The following SLC9B1 variants were observed in gnomAD, a reference collection of about 807,000 sequenced individuals.
SLC9B1 encodes sodium/hydrogen exchanger 9B1.
Under a neutral mutation model 51.7 loss-of-function variants are expected in SLC9B1, and 32 were observed. That is an observed-to-expected ratio of 0.62 (90% CI 0.47 to 0.83). The LOEUF (loss-of-function observed/expected upper bound fraction) is 0.83. SLC9B1 is among the 40% of genes least tolerant of loss of function. The pLI, the probability that SLC9B1 is intolerant of heterozygous loss-of-function variation, is 0.00. For synonymous variants in SLC9B1, 145 were observed against 212.7 expected, an observed-to-expected ratio of 0.68 and a Z score of 2.77; for missense variants, 406 against 613.2, an observed-to-expected ratio of 0.66 and a Z score of 3.57.
chr4:102,893,016 C>T (rs904265069), intron 11 of SLC9B1, among the ~76,000 whole-genome samples: 12 of 152,090 alleles, frequency 7.9e-5, no homozygotes. Flanking sequence ...CGGTGGCTCA[C>T]ACCTGTAATT....
rs780294206 is a variant in SLC9B1, at chr4:102,885,447, C to T, written c.1333-119G>A. The T allele has an allele frequency of 1.4e-5, 22 of 1,601,028 alleles. No individual in the cohort carries two copies. In the Middle Eastern group the frequency reaches 5.0e-4, roughly 36 times the overall value. On this transcript the variant is annotated intron_variant, in intron 11 of 11. Transcript: ENST00000394789. The stretch of plus-strand genomic sequence containing the variant: ...TCTAAAACGGTAAGATGTCTGTTTA[C>T]GTGTACACTAAAATTTTGCAGTGCT...
At chr4:102,932,734 C>G (rs1426278689) in intron 6 of SLC9B1, among the ~76,000 whole-genome samples, 1 of 152,178 alleles carries the variant, frequency 6.6e-6, no homozygotes, top group African/African-American at 2.4e-5. Flanking sequence ...ACATGTGCTT[C>G]TAAAAGTGCT....
chr4:102,980,329 A>C (rs1368010121), intron 3 of SLC9B1, among the ~76,000 whole-genome samples: 1 of 152,230 alleles, frequency 6.6e-6, no homozygotes, highest in Non-Finnish European at 1.5e-5. Context: ...ACAATAAAAA[A>C]GATGTGGAAT....
chr4:102,906,636 G>A lies in SLC9B1; in HGVS notation c.1095C>T (p.Val365=). 6.4e-7 allele frequency: 1 copy of A among 1,556,652 alleles called. No homozygotes were observed. Among genetic ancestry groups the A allele is most frequent in the Non-Finnish European group, 8.7e-7 (1 of 1,149,158 alleles). Residue 365 remains valine (V), a synonymous_variant, in exon 10 of 12, where the codon GTC becomes GTT. Transcript: ENST00000296422. The part of the protein sequence containing the change: ...GTKWSQEKMK[V]QKIITTVWDI... Reference sequence around the variant, plus strand: ...CCCATACAGTCGTAATAATCTTTTGGACTTTCATCTATAGAAAAGAGAAAT... The same window carrying A: ...CCCATACAGTCGTAATAATCTTTTGAACTTTCATCTATAGAAAAGAGAAAT...
At chr4:102,984,296 T>A (rs887863953) in intron 3 of SLC9B1, among the ~76,000 whole-genome samples, 1 of 152,034 alleles carries the variant, frequency 6.6e-6, no homozygotes, top group African/African-American at 2.4e-5. Flanking sequence ...TTATATTTCT[T>A]TGTAGAGACA....
chr4:102,977,008 G>A (rs913357966), intron 3 of SLC9B1, among the ~76,000 whole-genome samples: 16 of 152,022 alleles, frequency 1.1e-4, no homozygotes, highest in African/African-American at 3.4e-4. Flanking sequence ...AAATTATCCA[G>A]ATATGGTGAC....
At chr4:102,930,909 A>C (rs1292711030) in intron 7 of SLC9B1, among the ~76,000 whole-genome samples, 1 of 152,112 alleles carries the variant, frequency 6.6e-6, no homozygotes, top group Non-Finnish European at 1.5e-5. Flanking sequence ...TATACAGTTA[A>C]GTGTAAAACA....
chr4:102,893,296 A>G (rs927270309), intron 11 of SLC9B1, among the ~76,000 whole-genome samples: 1 of 149,364 alleles, frequency 6.7e-6, no homozygotes, highest in Non-Finnish European at 1.5e-5. Flanking sequence ...AAAAAAAAAA[A>G]AAAAAAAAAG....
chr4:103,010,362 T>C (rs572864817), intron 1 of SLC9B1, among the ~76,000 whole-genome samples: 1 of 152,276 alleles, frequency 6.6e-6, no homozygotes, highest in Non-Finnish European at 1.5e-5. Context: ...CTTGTCCTTT[T>C]ATAATGAAAT....
intron 1 of SLC9B1, among the ~76,000 whole-genome samples, chr4:103,014,703 T>C (rs1741233740): frequency 6.6e-6 from 1 of 152,240 alleles, no homozygotes; most frequent in South Asian, 2.1e-4. Context: ...AAATATTCTT[T>C]GCATTGTAAG....
intron 7 of SLC9B1, among the ~76,000 whole-genome samples, chr4:102,928,482 C>T (rs1736298206): frequency 6.6e-6 from 1 of 152,212 alleles, no homozygotes; most frequent in South Asian, 2.1e-4. Flanking sequence ...CAGTTCCAAA[C>T]TTTCCCACAT....
intron 11 of SLC9B1, chr4:102,892,272 G>A (rs943557052): frequency 4.6e-5 from 7 of 152,114 alleles, no homozygotes; most frequent in Admixed American, 3.9e-4. Flanking sequence ...TACCCAGGCT[G>A]GTCTCGAAGT....
chr4:102,997,283 T>C (rs532589639), intron 1 of SLC9B1, among the ~76,000 whole-genome samples: 1 of 152,340 alleles, frequency 6.6e-6, no homozygotes, highest in Admixed American at 6.5e-5. Flanking sequence ...AACTGACATC[T>C]TAACAATATT....
chr4:103,008,158 A>G (rs1183582226), intron 1 of SLC9B1, among the ~76,000 whole-genome samples: 1 of 152,206 alleles, frequency 6.6e-6, no homozygotes, highest in Non-Finnish European at 1.5e-5. Flanking sequence ...ACACATATAT[A>G]CATATCTTGC....
chr4:103,016,279 C>T (rs1035933866), intron 1 of SLC9B1, among the ~76,000 whole-genome samples: 16 of 152,140 alleles, frequency 1.1e-4, no homozygotes, highest in South Asian at 2.1e-4. Flanking sequence ...CTCTCTTATA[C>T]CATCATTTCC....
In SLC9B1 at chr4:102,938,245, C is replaced by T. The variant is rs181781805; in HGVS notation, c.654-5946G>A. On this transcript the variant is annotated intron_variant, in intron 6 of 11. Coordinates refer to ENST00000296422, the MANE Select transcript of SLC9B1 (RefSeq NM_139173.4). ...GTTATCCTAATTCAGACAAAATAGA[C>T]TTTAAACCAACAACAATCAAAAAGA... 4.1e-3 allele frequency among the ~76,000 whole-genome samples: 621 copies of T among 152,236 alleles called. 3 individuals carry two copies. The highest frequency in any genetic ancestry group is 4.5e-3 in the Non-Finnish European group (305 of 68,004).
At chr4:102,983,816 T>C (rs1279471824) in intron 3 of SLC9B1, among the ~76,000 whole-genome samples, 1 of 152,154 alleles carries the variant, frequency 6.6e-6, no homozygotes, top group Non-Finnish European at 1.5e-5. Flanking sequence ...ATTGTGTTGA[T>C]CTTTTCAAAG....
At chr4:102,938,852 C>T (rs112128425) in intron 6 of SLC9B1, among the ~76,000 whole-genome samples, 4,242 of 152,108 alleles carry the variant, frequency 0.028, 187 homozygotes, top group African/African-American at 0.093. Flanking sequence ...ACAACATTCT[C>T]GGCTCTCTAA....
At chr4:102,937,157 G>T (rs1354831486) in intron 6 of SLC9B1, among the ~76,000 whole-genome samples, 1 of 151,804 alleles carries the variant, frequency 6.6e-6, no homozygotes. Context: ...GGCTAGAGTG[G>T]ACTGGTGCTA....
Sources: gnomAD v4.1 joint callset for allele counts (sites outside exome capture counted in the v4.1 genomes callset) on GRCh38, gnomAD v4.1.1 for gene constraint, MANE v1.5 for transcripts, NCBI Gene and HGNC (gene_info 2026-07-23, HGNC 2026-07-21) for gene names.